The following ARID5B variants were observed in gnomAD, a reference collection of about 807,000 sequenced individuals.
ARID5B encodes the protein AT-rich interactive domain-containing protein 5B.
In ARID5B, 13 loss-of-function variants were observed where a neutral mutation model predicts 97.2. That is an observed-to-expected ratio of 0.13 (90% CI 0.09 to 0.21). The LOEUF (loss-of-function observed/expected upper bound fraction) is 0.21. Among genes scored for constraint, ARID5B ranks in the 10% least tolerant of loss-of-function variants. The probability of loss-of-function intolerance (pLI) is 1.00; values close to 1 mark genes in which losing one functional copy is unlikely to be tolerated. For missense variants in ARID5B, 1,210 were observed against 1,465.3 expected (o/e 0.83, Z 2.84); for synonymous variants, 556 against 570.3 (o/e 0.97, Z 0.36).
At chr10:61,921,462 G>T (rs1844013881) in intron 2 of ARID5B, among the ~76,000 whole-genome samples, 1 of 152,172 alleles carries the variant, frequency 6.6e-6, no homozygotes. Context: ...AGTGGGTCTG[G>T]GTCTCCCTGG....
chr10:62,028,015 A>C (rs897602051), intron 4 of ARID5B, among the ~76,000 whole-genome samples: 3 of 152,210 alleles, frequency 2.0e-5, no homozygotes, highest in Middle Eastern at 3.2e-3. Context: ...GCATCTGCTT[A>C]TCCTAGGTAG....
At chr10:62,015,877 C>A (rs568820179) in intron 4 of ARID5B, among the ~76,000 whole-genome samples, 1 of 152,312 alleles carries the variant, frequency 6.6e-6, no homozygotes, top group Non-Finnish European at 1.5e-5. Flanking sequence ...CCCACCTTGG[C>A]CTCCCAAAGT....
Position 62,092,143 on chromosome 10 carries a change from T to C in ARID5B, c.2680T>C (p.Ser894Pro). 1 of 1,607,528 alleles carries C rather than the reference T, an allele frequency of 6.2e-7. No homozygotes were observed. Among genetic ancestry groups the C allele is most frequent in the Non-Finnish European group, 8.5e-7 (1 of 1,177,710 alleles). Residue 894 changes from serine (S) to proline (P), a missense_variant, in exon 10 of 10, where the codon TCG (serine) becomes CCG (proline). Ser to Pro is a moderately conservative substitution (Grantham distance 74). Transcript: ENST00000279873. Reference sequence around the variant, plus strand: ...GTCCCTGCACCTGCAAGACAAAAAGTCGGCGGCAGCAGAAGCCCCTACGGA... The same window carrying C: ...GTCCCTGCACCTGCAAGACAAAAAGCCGGCGGCAGCAGAAGCCCCTACGGA... The part of the protein sequence containing the change: ...LTSLHLQDKK[S>P]AAAEAPTDDQ...
At chr10:61,927,610 G>A (rs1288768232) in intron 2 of ARID5B, among the ~76,000 whole-genome samples, 4 of 152,180 alleles carry the variant, frequency 2.6e-5, no homozygotes, top group Non-Finnish European at 4.4e-5. Flanking sequence ...CAATTGAGGT[G>A]TTTACTGTAG....
intron 3 of ARID5B, among the ~76,000 whole-genome samples, chr10:61,976,970 A>G (rs1204400523): frequency 4.0e-5 from 6 of 151,564 alleles, no homozygotes; most frequent in African/African-American, 1.5e-4. Flanking sequence ...TTAACTCATC[A>G]TTTACATTAG....
At chr10:62,041,735 G>GA (rs1839640214) in intron 4 of ARID5B, among the ~76,000 whole-genome samples, 1 of 152,174 alleles carries the variant, frequency 6.6e-6, no homozygotes, top group Admixed American at 6.5e-5. Flanking sequence ...TTTCTGTAGA[G>GA]AGGTAGCAAA....
chr10:61,939,388 A>G (rs1396638086), intron 2 of ARID5B, among the ~76,000 whole-genome samples: 1 of 152,180 alleles, frequency 6.6e-6, no homozygotes, highest in Non-Finnish European at 1.5e-5. Context: ...CTGAGTCAGA[A>G]AAGTTGGTTG....
At chr10:61,989,893 C>A (rs1196896652) in intron 3 of ARID5B, among the ~76,000 whole-genome samples, 1 of 152,168 alleles carries the variant, frequency 6.6e-6, no homozygotes, top group Non-Finnish European at 1.5e-5. Flanking sequence ...TCTCCAAAAC[C>A]AATACTTTGA....
Position 61,964,888 on chromosome 10 carries a change from C to T in ARID5B, c.502+24480C>T, listed in dbSNP as rs1166538139. ...TAATTGTACGTGTGAATTCGGAATTCCTTCTTTACCATCACATGTGAAGCC... is the reference window on the plus strand; with the variant it reads ...TAATTGTACGTGTGAATTCGGAATTTCTTCTTTACCATCACATGTGAAGCC... On this transcript the variant is annotated intron_variant, in intron 3 of 9. Coordinates refer to ENST00000279873, the MANE Select transcript of ARID5B (RefSeq NM_032199.3). Among the ~76,000 whole-genome samples, 170 of 152,294 alleles carry T rather than the reference C, an allele frequency of 1.1e-3. 1 individual carries two copies. Among genetic ancestry groups the T allele is most frequent in the Non-Finnish European group, 8.8e-5 (6 of 68,024 alleles).
At chr10:62,072,698 C>G (rs968519697) in intron 8 of ARID5B, among the ~76,000 whole-genome samples, 1 of 152,236 alleles carries the variant, frequency 6.6e-6, no homozygotes, top group African/African-American at 2.4e-5. Context: ...TCCTTGTGAT[C>G]AGATGCAACC....
intron 2 of ARID5B, among the ~76,000 whole-genome samples, chr10:61,913,370 A>G (rs959809821): frequency 2.0e-5 from 3 of 152,384 alleles, no homozygotes; most frequent in Non-Finnish European, 4.4e-5. Context: ...CTAATTTGCC[A>G]TGGACAATTC....
chr10:62,009,597 C>G (rs372210216), intron 4 of ARID5B, among the ~76,000 whole-genome samples: 1 of 152,152 alleles, frequency 6.6e-6, no homozygotes, highest in East Asian at 1.9e-4. Flanking sequence ...CAAAACCCCA[C>G]ACACCCCCAG....
At position 62,069,552 on chromosome 10, in the gene ARID5B, A is replaced by G. The variant is rs184959621; in HGVS notation, c.1102-148A>G. On this transcript the variant is annotated intron_variant, in intron 7 of 9. Coordinates refer to ENST00000279873, the MANE Select transcript of ARID5B (RefSeq NM_032199.3). ...GAAAGCGAGATCTCACTATGAAACC[A>G]TAAATCACCCCATATACTCTTTTGG... The G allele has an allele frequency of 1.3e-4, 87 of 667,224 alleles. No individual in the cohort carries two copies. The East Asian group carries it at 2.3e-3, about 18-fold the overall frequency. The allele number at this position is 667,224 out of a possible 1,614,324, so 41.3% of individuals were successfully genotyped here. A position where few individuals can be genotyped will look rare whatever the true frequency, so the allele number is the denominator to read the frequency against.
At chr10:61,945,440 T>C (rs1372042827) in intron 3 of ARID5B, among the ~76,000 whole-genome samples, 1 of 152,224 alleles carries the variant, frequency 6.6e-6, no homozygotes, top group Admixed American at 6.5e-5. Flanking sequence ...TATACAGCTC[T>C]AAGGTGACAT....
At chr10:61,915,946 G>A (rs1446213268) in intron 2 of ARID5B, among the ~76,000 whole-genome samples, 1 of 152,166 alleles carries the variant, frequency 6.6e-6, no homozygotes, top group Non-Finnish European at 1.5e-5. Flanking sequence ...AGTAGAGACT[G>A]GGTTTCACCA....
intron 4 of ARID5B, among the ~76,000 whole-genome samples, chr10:62,015,734 C>G (rs1839275876): frequency 6.6e-6 from 1 of 152,110 alleles, no homozygotes; most frequent in Non-Finnish European, 1.5e-5. Context: ...AGAGATTCTC[C>G]CACCTCAGCC....
chr10:61,903,407 T>C (rs1401977686), intron 2 of ARID5B, among the ~76,000 whole-genome samples: 3 of 152,214 alleles, frequency 2.0e-5, no homozygotes, highest in African/African-American at 4.8e-5. Flanking sequence ...TGTCATTTCA[T>C]GTGTGACCGC....
chr10:62,092,987 C>T lies in ARID5B; in HGVS notation c.3524C>T (p.Pro1175Leu). 1 of 1,613,372 alleles carries T rather than the reference C, an allele frequency of 6.2e-7. No individual in the cohort carries two copies. The highest frequency in any genetic ancestry group is 8.5e-7 in the Non-Finnish European group (1 of 1,179,892). Residue 1175 changes from proline to leucine, a missense_variant, in exon 10 of 10, where the codon CCA becomes CTA. By Grantham distance (98) the Pro-to-Leu change is moderately conservative. Transcript: ENST00000279873. ...LAAINPQAAFPSSQLSSVHPS... is the reference protein window; with the variant it reads ...LAAINPQAAFLSSQLSSVHPS... The stretch of plus-strand genomic sequence containing the variant: ...GCTATAAATCCTCAAGCTGCCTTTC[C>T]ATCTTCCCAGCTGTCATCCGTGCAC...
intron 3 of ARID5B, among the ~76,000 whole-genome samples, chr10:61,962,652 A>T (rs1838487561): frequency 6.6e-6 from 1 of 152,248 alleles, no homozygotes; most frequent in Admixed American, 6.5e-5. Context: ...GGCTAGAAAC[A>T]CCGCAGTTCT....
Sources: gnomAD v4.1 joint callset for allele counts (sites outside exome capture counted in the v4.1 genomes callset) on GRCh38, gnomAD v4.1.1 for gene constraint, MANE v1.5 for transcripts, NCBI Gene and HGNC (gene_info 2026-07-23, HGNC 2026-07-21) for gene names.